CRCT1: variants seen among roughly 807,000 people sequenced by gnomAD.
CRCT1 encodes the protein cysteine-rich C-terminal protein 1.
For missense variants in CRCT1, 160 were observed against 136.3 expected, an observed-to-expected ratio of 1.17 and a Z score of -0.87; for synonymous variants, 86 against 60.3, an observed-to-expected ratio of 1.43 and a Z score of -1.98.
chr1:152,515,552 T>C lies in CRCT1; in HGVS notation c.169T>C (p.Ser57Pro). 6.3e-7 allele frequency: 1 copy of C among 1,594,502 alleles called. No individual in the cohort carries two copies. The highest frequency in any genetic ancestry group is 1.1e-5 in the South Asian group (1 of 89,930). ...CGACTCAGGCTGCTGCGGCTCCAGC[T>C]CCACCAGTTGCTGCTGCTTCCCAAG... Reference protein sequence around the residue: ...CGDSGCCGSSSTSCCCFPRRR... With the variant: ...CGDSGCCGSSPTSCCCFPRRR... The change falls in exon 2 of 2, where the codon TCC becomes CCC. Residue 57 changes from serine (S) to proline (P), a missense_variant. Coordinates refer to ENST00000368790, the MANE Select transcript of CRCT1 (RefSeq NM_019060.3).
chr1:152,514,801 T>A (rs1438274172), intron 1 of CRCT1, among the ~76,000 whole-genome samples: 1 of 152,128 alleles, frequency 6.6e-6, no homozygotes, highest in Non-Finnish European at 1.5e-5. Flanking sequence ...GCTCCCTGGA[T>A]GGGGTTATTT....
Position 152,515,442 on chromosome 1 carries a change from G to T in CRCT1, c.59G>T (p.Gly20Val). Residue 20 changes from glycine to valine, a missense_variant, in exon 2 of 2, where the codon GGC becomes GTC. By Grantham distance (109) the Gly-to-Val change is moderately radical. Coordinates refer to ENST00000368790, the MANE Select transcript of CRCT1 (RefSeq NM_019060.3). Reference protein sequence around the residue: ...AKGFSKGSSQGPAPCPAPAPT... With the variant: ...AKGFSKGSSQVPAPCPAPAPT... ...GGCTTTTCCAAGGGGTCGTCCCAGG[G>T]CCCCGCTCCGTGTCCCGCCCCGGCG... 2 of 1,600,818 alleles carry T rather than the reference G, an allele frequency of 1.2e-6. No individual in the cohort carries two copies.
chr1:152,515,242 T>C lies in CRCT1; in HGVS notation c.-22-120T>C, dbSNP rs189340313. ...TGCGTCCGCTCTTTCTGGGTGCTTT[T>C]CCCTCCTTGTCCCAGGCCAGGCTGA... is the stretch of plus-strand genomic sequence containing the variant. On this transcript the variant is annotated intron_variant, in intron 1 of 1. Coordinates refer to ENST00000368790, the MANE Select transcript of CRCT1 (RefSeq NM_019060.3). 38 of 799,424 alleles carry C rather than the reference T, an allele frequency of 4.8e-5. No individual in the cohort carries two copies. The Admixed American group carries it at 7.5e-4, about 16-fold the overall frequency. The allele number at this position is 799,424 out of a possible 1,614,324, so 49.5% of individuals were successfully genotyped here.
rs1477813938 is a variant in CRCT1, at chr1:152,515,414, A to G, written c.31A>G (p.Lys11Glu). MSSQQSAVSA[K>E]GFSKGSSQGP... ...CTCTCAACAGAGCGCCGTTTCCGCC[A>G]AAGGCTTTTCCAAGGGGTCGTCCCA... The change falls in exon 2 of 2, where the codon AAA (lysine) becomes GAA (glutamate). Residue 11 changes from lysine (K) to glutamate (E), a missense_variant. Lys to Glu is a moderately conservative substitution (Grantham distance 56, BLOSUM62 1). Coordinates refer to ENST00000368790, the MANE Select transcript of CRCT1 (RefSeq NM_019060.3). The G allele has an allele frequency of 5.7e-6, 9 of 1,569,202 alleles. No homozygotes were observed. In the South Asian group the frequency reaches 1.1e-4, roughly 18 times the overall value.
At position 152,515,741 on chromosome 1, in the gene CRCT1, GC is replaced by G; in HGVS notation, c.*62del. 7.1e-7 allele frequency: 1 copy of G among 1,412,194 alleles called. No individual in the cohort carries two copies. The highest frequency in any genetic ancestry group is 1.6e-5 in the South Asian group (1 of 62,804). 87.5% of individuals were successfully genotyped at this position (1,412,194 alleles called of 1,614,324 possible). On this transcript the variant is annotated 3_prime_UTR_variant, in exon 2 of 2. Transcript: ENST00000368790. ...AACCCGCCCAGCCCAGAGCGGGCCCGCCCCGCTGCGGCTCCCACGCGGGGCT... is the reference window on the plus strand; with the variant it reads ...AACCCGCCCAGCCCAGAGCGGGCCCGCCCGCTGCGGCTCCCACGCGGGGCT...
rs762278114 is a variant in CRCT1, at chr1:152,515,433, C to G, written c.50C>G (p.Ser17Trp). 4 of 1,585,110 alleles carry G rather than the reference C, an allele frequency of 2.5e-6. No individual in the cohort carries two copies. Among genetic ancestry groups the G allele is most frequent in the Non-Finnish European group, 3.4e-6 (4 of 1,169,364 alleles). The change falls in exon 2 of 2, where the codon TCG becomes TGG. Residue 17 changes from serine to tryptophan, a missense_variant. By Grantham distance (177) the Ser-to-Trp change is radical. Transcript: ENST00000368790. ...TCCGCCAAAGGCTTTTCCAAGGGGTCGTCCCAGGGCCCCGCTCCGTGTCCC... is the reference window on the plus strand; with the variant it reads ...TCCGCCAAAGGCTTTTCCAAGGGGTGGTCCCAGGGCCCCGCTCCGTGTCCC... ...AVSAKGFSKG[S>W]SQGPAPCPAP...
In CRCT1 at chr1:152,515,870, C is replaced by T; in HGVS notation, c.*187C>T. 1 of 1,045,086 alleles carries T rather than the reference C, an allele frequency of 9.6e-7. No homozygotes were observed. The highest frequency in any genetic ancestry group is 1.3e-6 in the Non-Finnish European group (1 of 758,254). The allele number at this position is 1,045,086 out of a possible 1,614,324, so 64.7% of individuals were successfully genotyped here. On this transcript the variant is annotated 3_prime_UTR_variant, in exon 2 of 2. Transcript: ENST00000368790. ...TCCCTGACCCCGATGTGATTTTTCT[C>T]CCCGGGGATTCGAGAGCCATGCGTG...
chr1:152,515,643 G>A lies in CRCT1; in HGVS notation c.260G>A (p.Arg87His), dbSNP rs1399407159. Residue 87 changes from arginine to histidine, a missense_variant, in exon 2 of 2, where the codon CGC becomes CAC. Coordinates refer to ENST00000368790, the MANE Select transcript of CRCT1 (RefSeq NM_019060.3). ...CCGGGSQRSQ[R>H]SNNRSSGCCS... ...GGGGGCGGCAGCCAGAGGTCCCAGC[G>A]CTCCAACAACCGGAGCTCAGGATGC... is the stretch of plus-strand genomic sequence containing the variant. 5 of 1,573,916 alleles carry A rather than the reference G, an allele frequency of 3.2e-6. No individual in the cohort carries two copies. Among genetic ancestry groups the A allele is most frequent in the Non-Finnish European group, 4.3e-6 (5 of 1,162,576 alleles).
In CRCT1 at chr1:152,515,490, C is replaced by T. The variant is rs1275697279; in HGVS notation, c.107C>T (p.Ser36Phe). Residue 36 changes from serine to phenylalanine, a missense_variant, in exon 2 of 2, where the codon TCC (serine) becomes TTC (phenylalanine). By Grantham distance (155) the Ser-to-Phe change is radical. Transcript: ENST00000368790. Reference sequence around the variant, plus strand: ...GCGCCCACCCCGGCGCCCGCCTCCTCCTCCTCCTGCTGCGGCTCCGGCAGG... The same window carrying T: ...GCGCCCACCCCGGCGCCCGCCTCCTTCTCCTCCTGCTGCGGCTCCGGCAGG... Reference protein sequence around the residue: ...APAPTPAPASSSSCCGSGRGC... With the variant: ...APAPTPAPASFSSCCGSGRGC... 1 of 1,601,396 alleles carries T rather than the reference C, an allele frequency of 6.2e-7. No individual in the cohort carries two copies. The highest frequency in any genetic ancestry group is 8.5e-7 in the Non-Finnish European group (1 of 1,177,172).
Position 152,516,004 on chromosome 1 carries a change from G to A in CRCT1, c.*321G>A. The A allele has an allele frequency of 3.2e-6, 1 of 313,498 alleles. No homozygotes were observed. Among genetic ancestry groups the A allele is most frequent in the Admixed American group, 4.9e-5 (1 of 20,402 alleles). The allele number at this position is 313,498 out of a possible 1,614,324, so 19.4% of individuals were successfully genotyped here. On this transcript the variant is annotated 3_prime_UTR_variant, in exon 2 of 2. Coordinates refer to ENST00000368790, the MANE Select transcript of CRCT1 (RefSeq NM_019060.3). The stretch of plus-strand genomic sequence containing the variant: ...TGTCATAATAAAGCTTCTACCTCCT[G>A]AGAACACCTTTTATTTGTTCTTCAT...
rs1212357523 is a variant in CRCT1, at chr1:152,515,847, C to T, written c.*164C>T. 2.5e-6 allele frequency: 3 copies of T among 1,190,556 alleles called. No individual in the cohort carries two copies. Among genetic ancestry groups the T allele is most frequent in the Non-Finnish European group, 3.4e-6 (3 of 889,220 alleles). The allele number at this position is 1,190,556 out of a possible 1,614,324, so 73.7% of individuals were successfully genotyped here. ...CTTTGTTCTCAGCCACGCAAAACTC[C>T]CTGACCCCGATGTGATTTTTCTCCC... On this transcript the variant is annotated 3_prime_UTR_variant, in exon 2 of 2. Transcript: ENST00000368790.
Position 152,515,698 on chromosome 1 carries a change from C to A in CRCT1, c.*15C>A. On this transcript the variant is annotated 3_prime_UTR_variant, in exon 2 of 2. Coordinates refer to ENST00000368790, the MANE Select transcript of CRCT1 (RefSeq NM_019060.3). The stretch of plus-strand genomic sequence containing the variant: ...CCGGCTGCTGAGAGGCCCGCAACCC[C>A]CAGCGCTGCGCTAGAGAAACCCGCC... 2 of 1,480,638 alleles carry A rather than the reference C, an allele frequency of 1.4e-6. No homozygotes were observed. The highest frequency in any genetic ancestry group is 2.5e-5 in the East Asian group (1 of 39,514). The allele number at this position is 1,480,638 out of a possible 1,614,324, so 91.7% of individuals were successfully genotyped here. A position where few individuals can be genotyped will look rare whatever the true frequency, so the allele number is the denominator to read the frequency against.
At chr1:152,515,326 A>C (rs750405452) in intron 1 of CRCT1, 36 bp from the exon 2 acceptor site, 107 of 1,469,908 alleles carry the variant, frequency 7.3e-5, no homozygotes, top group Non-Finnish European at 9.5e-5. Flanking sequence ...GGAAAGAAAA[A>C]GCCGGCTCGC....
chr1:152,514,625 C>T (rs972948983), intron 1 of CRCT1, 73 bp downstream of exon 1: 7 of 152,392 alleles, frequency 4.6e-5, no homozygotes, highest in East Asian at 3.9e-4. Flanking sequence ...AAACAGAACA[C>T]AGGCAGCAGA....
At chr1:152,515,149 T>C (rs1008831775) in intron 1 of CRCT1, among the ~76,000 whole-genome samples, 2 of 152,202 alleles carry the variant, frequency 1.3e-5, no homozygotes, top group African/African-American at 2.4e-5. Flanking sequence ...CATTGATTCA[T>C]TGCATGGATT....
rs1189300763 is a variant in CRCT1, at chr1:152,515,391, C to G, written c.8C>G (p.Ser3Cys). Reference sequence around the variant, plus strand: ...GTCGTGAGGAGCTCCGCGATGTCCTCTCAACAGAGCGCCGTTTCCGCCAAA... The same window carrying G: ...GTCGTGAGGAGCTCCGCGATGTCCTGTCAACAGAGCGCCGTTTCCGCCAAA... MS[S>C]QQSAVSAKGF... The change falls in exon 2 of 2, where the codon TCT becomes TGT. Residue 3 changes from serine (S) to cysteine (C), a missense_variant. By Grantham distance (112) the Ser-to-Cys change is moderately radical. Coordinates refer to ENST00000368790, the MANE Select transcript of CRCT1 (RefSeq NM_019060.3). The G allele has an allele frequency of 2.6e-6, 4 of 1,545,468 alleles. No homozygotes were observed. Among genetic ancestry groups the G allele is most frequent in the Non-Finnish European group, 3.5e-6 (4 of 1,151,032 alleles).
Position 152,515,639 on chromosome 1 carries a change from C to A in CRCT1, c.256C>A (p.Gln86Lys). Reference protein sequence around the residue: ...CCCGGGSQRSQRSNNRSSGCC... With the variant: ...CCCGGGSQRSKRSNNRSSGCC... ...CTGCGGGGGCGGCAGCCAGAGGTCC[C>A]AGCGCTCCAACAACCGGAGCTCAGG... The change falls in exon 2 of 2, where the codon CAG (glutamine) becomes AAG (lysine). Residue 86 changes from glutamine (Q) to lysine (K), a missense_variant. Transcript: ENST00000368790. 6.3e-7 allele frequency: 1 copy of A among 1,576,794 alleles called. No homozygotes were observed. Among genetic ancestry groups the A allele is most frequent in the East Asian group, 2.3e-5 (1 of 43,274 alleles).
rs767989079 is a variant in CRCT1, at chr1:152,515,473, C to A, written c.90C>A (p.Thr30=). The change falls in exon 2 of 2, where the codon ACC becomes ACA. Residue 30 remains threonine, a synonymous_variant. Coordinates refer to ENST00000368790, the MANE Select transcript of CRCT1 (RefSeq NM_019060.3). Reference sequence around the variant, plus strand: ...CTCCGTGTCCCGCCCCGGCGCCCACCCCGGCGCCCGCCTCCTCCTCCTCCT... The same window carrying A: ...CTCCGTGTCCCGCCCCGGCGCCCACACCGGCGCCCGCCTCCTCCTCCTCCT... ...GPAPCPAPAP[T]PAPASSSSCC... The A allele has an allele frequency of 1.9e-6, 3 of 1,601,246 alleles. No homozygotes were observed. Among genetic ancestry groups the A allele is most frequent in the South Asian group, 2.2e-5 (2 of 90,436 alleles).
Position 152,515,467 on chromosome 1 carries a change from G to C in CRCT1, c.84G>C (p.Ala28=), listed in dbSNP as rs1390953762. 2 of 1,601,322 alleles carry C rather than the reference G, an allele frequency of 1.2e-6. No individual in the cohort carries two copies. Among genetic ancestry groups the C allele is most frequent in the Non-Finnish European group, 8.5e-7 (1 of 1,176,790 alleles). The change falls in exon 2 of 2, where the codon GCG becomes GCC. Residue 28 remains alanine (A), a synonymous_variant. Coordinates refer to ENST00000368790, the MANE Select transcript of CRCT1 (RefSeq NM_019060.3). ...GCCCCGCTCCGTGTCCCGCCCCGGC[G>C]CCCACCCCGGCGCCCGCCTCCTCCT... is the stretch of plus-strand genomic sequence containing the variant. The part of the protein sequence containing the change: ...SQGPAPCPAP[A]PTPAPASSSS...
Sources: gnomAD v4.1 joint callset for allele counts (sites outside exome capture counted in the v4.1 genomes callset) on GRCh38, gnomAD v4.1.1 for gene constraint, MANE v1.5 for transcripts, NCBI Gene and HGNC (gene_info 2026-07-23, HGNC 2026-07-21) for gene names.